Variants in OBP2B observed in about 807,000 individuals in gnomAD.
OBP2B encodes odorant-binding protein 2b.
A neutral mutation model predicts 21.7 loss-of-function variants in OBP2B; 10 were observed. The observed-to-expected ratio is 0.46, with a 90% CI of 0.28 to 0.78. The LOEUF is 0.78. Ranked by LOEUF, OBP2B falls within the 30% of genes least tolerant of loss-of-function variation. OBP2B has a pLI of 0.11. For missense variants in OBP2B, 153 were observed against 217.7 expected (o/e 0.70, Z 1.87); for synonymous variants, 73 against 91.5 (o/e 0.80, Z 1.16).
Position 133,206,302 on chromosome 9 carries a change from C to A in OBP2B, c.490+13G>T. 6.2e-7 allele frequency: 1 copy of A among 1,611,894 alleles called. No individual in the cohort carries two copies. The highest frequency in any genetic ancestry group is 1.1e-5 in the South Asian group (1 of 91,036). On this transcript the variant is annotated intron_variant, in intron 5 of 6. Coordinates refer to ENST00000372034, the MANE Select transcript of OBP2B (RefSeq NM_014581.4). The stretch of plus-strand genomic sequence containing the variant: ...GCAGAGGGACACAGGGGACTGGGCA[C>A]AGCCATCCTCACCCGTCTGCAGGGG...
At chr9:133,211,228 G>A (rs1473272371), upstream of OBP2B, among the ~76,000 whole-genome samples, 3 of 152,196 alleles carry the variant, frequency 2.0e-5, no homozygotes, top group Admixed American at 6.5e-5. Context: ...GGGAGCTTAC[G>A]ATGAATCTCA....
In OBP2B at chr9:133,208,566, C is replaced by G; in HGVS notation, c.109G>C (p.Asp37His). 1 of 1,612,396 alleles carries G rather than the reference C, an allele frequency of 6.2e-7. No individual in the cohort carries two copies. The highest frequency in any genetic ancestry group is 8.5e-7 in the Non-Finnish European group (1 of 1,179,088). ...GTWYVKAMVV[D>H]KDFPEDRRPR... ...CTCCTGTCCTCCGGAAAGTCCTTAT[C>G]GACCACCATGGCCTTCACGTACCAG... Residue 37 changes from aspartate to histidine, a missense_variant, in exon 2 of 7, where the codon GAT (aspartate) becomes CAT (histidine). Coordinates refer to ENST00000372034, the MANE Select transcript of OBP2B (RefSeq NM_014581.4).
chr9:133,216,484 TA>T, the OBP2B span, among the ~76,000 whole-genome samples: 9,505 of 144,616 alleles, frequency 0.066, 747 homozygotes, highest in African/African-American at 0.19. Flanking sequence ...TTGACAGGTT[TA>T]AAAAAAAAAA....
the OBP2B span, among the ~76,000 whole-genome samples, chr9:133,216,001 G>C: frequency 6.6e-6 from 1 of 152,128 alleles, no homozygotes; most frequent in African/African-American, 2.4e-5. Flanking sequence ...AAAACAGAAA[G>C]AAAATCTTTG....
the OBP2B span, among the ~76,000 whole-genome samples, chr9:133,218,617 G>A: frequency 3.9e-5 from 6 of 152,196 alleles, 1 homozygote; most frequent in Admixed American, 3.3e-4. Flanking sequence ...AAACGCTTGT[G>A]TTTAGAAACT....
chr9:133,207,217 G>A lies in OBP2B; in HGVS notation c.388+9C>T. 6.3e-7 allele frequency: 1 copy of A among 1,594,532 alleles called. No homozygotes were observed. The highest frequency in any genetic ancestry group is 1.1e-5 in the South Asian group (1 of 90,728). ...GGGCAGGACACGCAGACCCCAGCAA[G>A]CCCCTCACCCACAAGCTTTCCCATG... On this transcript the variant is annotated intron_variant, in intron 4 of 6. Coordinates refer to ENST00000372034, the MANE Select transcript of OBP2B (RefSeq NM_014581.4).
chr9:133,218,300 G>T, the OBP2B span, among the ~76,000 whole-genome samples: 2 of 152,204 alleles, frequency 1.3e-5, no homozygotes. Flanking sequence ...CACACATGAG[G>T]CTGGGGAGTG....
At chr9:133,218,870 C>A in the OBP2B span, among the ~76,000 whole-genome samples, 1 of 152,182 alleles carries the variant, frequency 6.6e-6, no homozygotes, top group Non-Finnish European at 1.5e-5. Flanking sequence ...CAGAAACATG[C>A]AGAGTGGTCC....
At chr9:133,211,390 G>A (rs1351289267), upstream of OBP2B, among the ~76,000 whole-genome samples, 1 of 152,246 alleles carries the variant, frequency 6.6e-6, no homozygotes, top group African/African-American at 2.4e-5. Context: ...TCAGTGCAGT[G>A]CAAGGGGTGG....
the OBP2B span, among the ~76,000 whole-genome samples, chr9:133,216,014 A>G: frequency 6.6e-6 from 1 of 152,234 alleles, no homozygotes; most frequent in Non-Finnish European, 1.5e-5. Flanking sequence ...AATCTTTGGG[A>G]TATGGAGCTG....
At chr9:133,221,094 G>A in the OBP2B span, among the ~76,000 whole-genome samples, 2 of 152,216 alleles carry the variant, frequency 1.3e-5, no homozygotes, top group Non-Finnish European at 2.9e-5. Flanking sequence ...AGTTGTCTCA[G>A]CAAAACCTGC....
the OBP2B span, among the ~76,000 whole-genome samples, chr9:133,217,086 A>G: frequency 2.2e-4 from 33 of 152,338 alleles, no homozygotes; most frequent in East Asian, 6.4e-3. Flanking sequence ...GTTACTTACA[A>G]ATCTTGGAAA....
upstream of OBP2B, among the ~76,000 whole-genome samples, chr9:133,213,199 C>G (rs1221712939): frequency 1.3e-5 from 2 of 152,114 alleles, no homozygotes; most frequent in East Asian, 3.9e-4. Context: ...AAGATAGTGC[C>G]ACTGCACTCC....
the OBP2B span, among the ~76,000 whole-genome samples, chr9:133,220,745 T>C: frequency 5.9e-5 from 9 of 152,218 alleles, no homozygotes; most frequent in African/African-American, 1.9e-4. Flanking sequence ...TTCACAGATA[T>C]AATTCAGTGA....
chr9:133,206,562 G>T lies in OBP2B; in HGVS notation c.389-146C>A, dbSNP rs535153456. ...GATCAGAGCTCGGGGGTGGGGCTGG[G>T]GACAGAGGAGATGGCCACTGCCCAG... On this transcript the variant is annotated intron_variant, in intron 4 of 6. Transcript: ENST00000372034. The T allele has an allele frequency of 4.2e-5, 43 of 1,013,508 alleles. No individual in the cohort carries two copies. In the South Asian group the frequency reaches 6.8e-4, roughly 16 times the overall value. The allele number at this position is 1,013,508 out of a possible 1,614,324, so 62.8% of individuals were successfully genotyped here.
At chr9:133,220,540 C>T in the OBP2B span, among the ~76,000 whole-genome samples, 5 of 151,374 alleles carry the variant, frequency 3.3e-5, no homozygotes, top group Admixed American at 3.3e-4. Flanking sequence ...GAATAATGGT[C>T]CCCTGAAGAT....
Position 133,209,006 on chromosome 9 carries a change from G to C in OBP2B, c.72+122C>G, listed in dbSNP as rs538957933. 2.3e-3 allele frequency: 2,221 copies of C among 948,736 alleles called. 2 individuals are homozygous for C. Among genetic ancestry groups the C allele is most frequent in the Non-Finnish European group, 3.1e-3 (1,965 of 636,172 alleles). 58.8% of individuals were successfully genotyped at this position (948,736 alleles called of 1,614,324 possible). A position where few individuals can be genotyped will look rare whatever the true frequency, so the allele number is the denominator to read the frequency against. On this transcript the variant is annotated intron_variant, in intron 1 of 6. Coordinates refer to ENST00000372034, the MANE Select transcript of OBP2B (RefSeq NM_014581.4). The surrounding 1 kb of genome is among the most constrained non-coding windows in gnomAD (Gnocchi z 6.0). The stretch of plus-strand genomic sequence containing the variant: ...ATAGGACCCCTCCACCACCACCCCA[G>C]GCTGGGAGCACGGGGTCAGAAGCCA...
In OBP2B at chr9:133,208,130, C is replaced by T. The variant is rs1326325685; in HGVS notation, c.277+3G>A. 6.2e-7 allele frequency: 1 copy of T among 1,609,972 alleles called. No individual in the cohort carries two copies. Among genetic ancestry groups the T allele is most frequent in the Non-Finnish European group, 8.5e-7 (1 of 1,179,168 alleles). On this transcript the variant is annotated splice_donor_region_variant and intron_variant, in intron 3 of 6. Coordinates refer to ENST00000372034, the MANE Select transcript of OBP2B (RefSeq NM_014581.4). ...TGGGGGTGGGAGTGGGGGAGGGGCT[C>T]ACAGGCGCTGTATTTGCCAGGCTCC...
At chr9:133,207,094 G>T (rs1449583448) in intron 4 of OBP2B, 132 bp downstream of exon 4, 36 of 673,050 alleles carry the variant, frequency 5.3e-5, no homozygotes, top group African/African-American at 3.4e-4. Context: ...CTGCCCAGCG[G>T]TGCCCGGCAC....
Sources: allele counts gnomAD v4.1 joint callset (sites outside exome capture counted in the v4.1 genomes callset), GRCh38; gene constraint gnomAD v4.1.1; non-coding constraint Gnocchi (gnomAD v3.1); transcripts MANE v1.5; gene names NCBI Gene and HGNC (gene_info 2026-07-23, HGNC 2026-07-21).